The following DGKB variants were observed in gnomAD, a reference collection of about 807,000 sequenced individuals.
The protein encoded by DGKB is 90 kDa diacylglycerol kinase.
Under a neutral mutation model 114.3 loss-of-function variants are expected in DGKB, and 67 were observed. That is an observed-to-expected ratio of 0.59 (90% CI 0.48 to 0.72). DGKB has a LOEUF of 0.72. DGKB is among the 30% of genes least tolerant of loss of function. The probability of loss-of-function intolerance (pLI) is 0.00; values close to 1 mark genes in which losing one functional copy is unlikely to be tolerated. For missense variants in DGKB, 907 were observed against 975.2 expected, an observed-to-expected ratio of 0.93 and a Z score of 0.93; for synonymous variants, 398 against 323.1, an observed-to-expected ratio of 1.23 and a Z score of -2.49.
intron 20 of DGKB, among the ~76,000 whole-genome samples, chr7:14,561,157 C>G (rs967793332): frequency 6.6e-6 from 1 of 152,094 alleles, no homozygotes; most frequent in Non-Finnish European, 1.5e-5. Flanking sequence ...CTTTCCCGTC[C>G]TCTTCTCATG....
At chr7:14,476,409 T>C (rs1446592150) in intron 21 of DGKB, among the ~76,000 whole-genome samples, 1 of 152,056 alleles carries the variant, frequency 6.6e-6, no homozygotes, top group Non-Finnish European at 1.5e-5. Flanking sequence ...CAAAGGCAAC[T>C]TATAGTGCAA....
chr7:14,253,012 T>G (rs1342973164), intron 23 of DGKB, among the ~76,000 whole-genome samples: 1 of 152,122 alleles, frequency 6.6e-6, no homozygotes, highest in East Asian at 1.9e-4. Context: ...GAAGATATCT[T>G]TGCATGTAAA....
At chr7:14,921,292 T>C (rs1304088810) in intron 1 of DGKB, among the ~76,000 whole-genome samples, 1 of 152,036 alleles carries the variant, frequency 6.6e-6, no homozygotes, top group African/African-American at 2.4e-5. Context: ...TTATAAGAGA[T>C]GTAGGACACG....
intron 1 of DGKB, among the ~76,000 whole-genome samples, chr7:14,865,391 G>T (rs217552): frequency 0.99 from 150,476 of 152,302 alleles, 74,364 homozygotes; most frequent in Middle Eastern, 1. Context: ...TGTGGATAGT[G>T]CTATTTCTGG....
At chr7:14,420,807 C>A (rs1184102904) in intron 21 of DGKB, among the ~76,000 whole-genome samples, 1 of 152,046 alleles carries the variant, frequency 6.6e-6, no homozygotes, top group East Asian at 1.9e-4. Flanking sequence ...GAAAGAGTAG[C>A]CCACATGAAG....
chr7:14,471,911 G>A (rs1256144873), intron 21 of DGKB, among the ~76,000 whole-genome samples: 1 of 152,062 alleles, frequency 6.6e-6, no homozygotes, highest in Non-Finnish European at 1.5e-5. Flanking sequence ...GCAGAAAGTA[G>A]TACAGAAATA....
chr7:14,766,625 A>C (rs1004792130), intron 2 of DGKB, among the ~76,000 whole-genome samples: 1 of 151,910 alleles, frequency 6.6e-6, no homozygotes, highest in African/African-American at 2.4e-5. Flanking sequence ...TGTGGAACCC[A>C]ATAGAGAAGC....
chr7:14,504,111 C>T (rs1371781999), intron 20 of DGKB, among the ~76,000 whole-genome samples: 1 of 152,144 alleles, frequency 6.6e-6, no homozygotes, highest in African/African-American at 2.4e-5. Context: ...CTGAAAACAA[C>T]CACAATACAC....
intron 20 of DGKB, among the ~76,000 whole-genome samples, chr7:14,554,344 G>T (rs1795566208): frequency 6.6e-6 from 1 of 152,174 alleles, no homozygotes; most frequent in African/African-American, 2.4e-5. Flanking sequence ...TAGGATATGA[G>T]AAATAATGTT....
At chr7:14,763,209 G>A (rs1055178023) in intron 2 of DGKB, among the ~76,000 whole-genome samples, 2 of 151,986 alleles carry the variant, frequency 1.3e-5, no homozygotes, top group Non-Finnish European at 2.9e-5. Flanking sequence ...TCAACATAAT[G>A]TATGGCATGG....
chr7:14,162,421 T>A (rs1259092356), intron 25 of DGKB, among the ~76,000 whole-genome samples: 1 of 152,232 alleles, frequency 6.6e-6, no homozygotes. Flanking sequence ...TACAGTTTTA[T>A]CATTTTTATC....
At position 14,446,095 on chromosome 7, in the gene DGKB, C is replaced by A. The variant is rs115100664; in HGVS notation, c.1835+32066G>T. Among the ~76,000 whole-genome samples the A allele has an allele frequency of 5.3e-3, 813 of 152,202 alleles. 7 individuals carry two copies. The highest frequency in any genetic ancestry group is 0.019 in the African/African-American group (772 of 41,534). On this transcript the variant is annotated intron_variant, in intron 21 of 25. Coordinates refer to ENST00000402815, the MANE Select transcript of DGKB (RefSeq NM_001350709.2). ...TCCCAACTAAAACTTTCTCCAAATACTTCTTGCAATCTCTTGTTTAGTCAA... is the reference window on the plus strand; with the variant it reads ...TCCCAACTAAAACTTTCTCCAAATAATTCTTGCAATCTCTTGTTTAGTCAA...
intron 20 of DGKB, among the ~76,000 whole-genome samples, chr7:14,513,327 C>A (rs756032394): frequency 6.6e-6 from 1 of 151,952 alleles, no homozygotes; most frequent in African/African-American, 2.4e-5. Context: ...CAGTAGATGG[C>A]TGTGCCTATT....
intron 23 of DGKB, among the ~76,000 whole-genome samples, chr7:14,326,443 G>A (rs1345569890): frequency 2.0e-5 from 3 of 152,146 alleles, no homozygotes; most frequent in Non-Finnish European, 4.4e-5. Flanking sequence ...GTCAGGTGGA[G>A]CGGTGCTACA....
intron 2 of DGKB, among the ~76,000 whole-genome samples, chr7:14,829,927 T>G (rs931047320): frequency 5.3e-5 from 8 of 152,082 alleles, no homozygotes; most frequent in African/African-American, 1.9e-4. Flanking sequence ...CCTCATGTCT[T>G]TGAAACCAAG....
chr7:14,178,061 C>G lies in DGKB; in HGVS notation c.2213G>C (p.Arg738Pro). Residue 738 changes from arginine to proline, a missense_variant, in exon 24 of 26, where the codon CGG becomes CCG. Arg to Pro is a moderately radical substitution (Grantham distance 103, BLOSUM62 -2). Around this residue, in one of 3 missense-constraint regions of DGKB, gnomAD observed 35 missense variants for 66.0 expected, o/e 0.53. Coordinates refer to ENST00000402815, the MANE Select transcript of DGKB (RefSeq NM_001350709.2). ...IYTGLKSAGR[R>P]LAQCSCVVIR... is the part of the protein sequence containing the mutation. ...GACCACGCAGGAGCACTGAGCCAGCCGCCGGCCAGCACTTTTCAGGCCTGT... is the reference window on the plus strand; with the variant it reads ...GACCACGCAGGAGCACTGAGCCAGCGGCCGGCCAGCACTTTTCAGGCCTGT... 1 of 1,601,926 alleles carries G rather than the reference C, an allele frequency of 6.2e-7. No homozygotes were observed. Among genetic ancestry groups the G allele is most frequent in the Non-Finnish European group, 8.5e-7 (1 of 1,175,832 alleles).
At chr7:14,268,631 C>T in intron 23 of DGKB, among the ~76,000 whole-genome samples, 1 of 152,020 alleles carries the variant, frequency 6.6e-6, no homozygotes. Context: ...GATGTAGATT[C>T]TTTGGGGATT....
intron 23 of DGKB, among the ~76,000 whole-genome samples, chr7:14,314,093 A>G (rs1174328968): frequency 1.3e-5 from 2 of 152,130 alleles, no homozygotes; most frequent in African/African-American, 2.4e-5. Flanking sequence ...AAGGAAAACT[A>G]ACAAACAGAA....
At chr7:14,815,609 C>T (rs1844020876) in intron 2 of DGKB, among the ~76,000 whole-genome samples, 1 of 152,194 alleles carries the variant, frequency 6.6e-6, no homozygotes, top group Non-Finnish European at 1.5e-5. Flanking sequence ...GAGTTATGTG[C>T]CTTGTTCTCT....
Sources: allele counts gnomAD v4.1 joint callset (sites outside exome capture counted in the v4.1 genomes callset), GRCh38; gene constraint gnomAD v4.1.1; regional missense constraint gnomAD v4.1.1; transcripts MANE v1.5; gene names NCBI Gene and HGNC (gene_info 2026-07-23, HGNC 2026-07-21).